Variants in BCAR3 observed in about 807,000 individuals in gnomAD.
The protein encoded by BCAR3 is BCAR3 adaptor protein, NSP family member.
In BCAR3, 37 loss-of-function variants were observed where a neutral mutation model predicts 80.1. That is an observed-to-expected ratio of 0.46 (90% CI 0.36 to 0.61). The LOEUF (loss-of-function observed/expected upper bound fraction) is 0.61, where lower values mean the gene tolerates loss of function less well. Among genes scored for constraint, BCAR3 ranks in the 20% least tolerant of loss-of-function variants. The probability of loss-of-function intolerance (pLI) is 0.00; values close to 1 mark genes in which losing one functional copy is unlikely to be tolerated. For synonymous variants in BCAR3, 389 were observed against 418.9 expected, an observed-to-expected ratio of 0.93 and a Z score of 0.87; for missense variants, 978 against 1,068.2, an observed-to-expected ratio of 0.92 and a Z score of 1.18.
chr1:93,614,539 A>G (rs1675048491), intron 3 of BCAR3, among the ~76,000 whole-genome samples: 2 of 151,704 alleles, frequency 1.3e-5, no homozygotes, highest in Non-Finnish European at 2.9e-5. Flanking sequence ...CCCTGTCCTC[A>G]CTCTCCCAAG....
chr1:93,590,883 T>C (rs1674145488), intron 4 of BCAR3, among the ~76,000 whole-genome samples: 1 of 152,086 alleles, frequency 6.6e-6, no homozygotes, highest in African/African-American at 2.4e-5. Flanking sequence ...AGAAGAATAT[T>C]CTACAGTGGG....
In BCAR3 at chr1:93,710,150, G is replaced by T. The variant is rs1252539999; in HGVS notation, c.-62-4008C>A. ...TAAACTCACTCCCGGTGGATAGGGGGTGGGAAGCTGGGAAGCTGGGAACCA... is the reference window on the plus strand; with the variant it reads ...TAAACTCACTCCCGGTGGATAGGGGTTGGGAAGCTGGGAAGCTGGGAACCA... On this transcript the variant is annotated intron_variant, in intron 2 of 13. Transcript: ENST00000370244. Among the ~76,000 whole-genome samples, 4 of 152,184 alleles carry T rather than the reference G, an allele frequency of 2.6e-5. No homozygotes were observed. In the East Asian group the frequency reaches 7.7e-4, roughly 29 times the overall value.
chr1:93,768,271 G>T (rs1382851109), intron 2 of BCAR3, among the ~76,000 whole-genome samples: 1 of 149,088 alleles, frequency 6.7e-6, no homozygotes, highest in East Asian at 1.9e-4. Context: ...GTGTGTGTTT[G>T]TGTGTGTGTG....
At chr1:93,733,347 C>A (rs1484102647) in intron 2 of BCAR3, among the ~76,000 whole-genome samples, 1 of 152,150 alleles carries the variant, frequency 6.6e-6, no homozygotes, top group Non-Finnish European at 1.5e-5. Context: ...CCCCCCACCC[C>A]CCGACCCACC....
At chr1:93,605,915 G>C (rs546916017) in intron 3 of BCAR3, among the ~76,000 whole-genome samples, 1 of 152,340 alleles carries the variant, frequency 6.6e-6, no homozygotes, top group African/African-American at 2.4e-5. Context: ...CAAAGATTCA[G>C]ACAGCCTTCC....
intron 3 of BCAR3, chr1:93,614,068 G>C: frequency 1.4e-6 from 2 of 1,438,954 alleles, no homozygotes; most frequent in Non-Finnish European, 1.8e-6. Context: ...AGCCGGGGGA[G>C]TGAGTCGGCT....
At chr1:93,652,116 T>C (rs541930060) in intron 2 of BCAR3, among the ~76,000 whole-genome samples, 2 of 152,308 alleles carry the variant, frequency 1.3e-5, no homozygotes, top group African/African-American at 2.4e-5. Flanking sequence ...AGTTCCCTCT[T>C]AGTGCTGCTC....
chr1:93,618,831 T>C (rs949881561), intron 3 of BCAR3, among the ~76,000 whole-genome samples: 1 of 152,202 alleles, frequency 6.6e-6, no homozygotes, highest in Non-Finnish European at 1.5e-5. Flanking sequence ...AGACACATAC[T>C]TGCAATGCTT....
At chr1:93,784,805 A>T (rs1416764502) in intron 2 of BCAR3, among the ~76,000 whole-genome samples, 1 of 152,352 alleles carries the variant, frequency 6.6e-6, no homozygotes, top group East Asian at 1.9e-4. Flanking sequence ...AACACTGGGC[A>T]CTTATCTTCC....
At chr1:93,641,859 C>T (rs761783761) in intron 3 of BCAR3, among the ~76,000 whole-genome samples, 2 of 152,154 alleles carry the variant, frequency 1.3e-5, no homozygotes, top group Non-Finnish European at 2.9e-5. Flanking sequence ...TTAAAAAAAC[C>T]TTACTTGGCA....
intron 2 of BCAR3, among the ~76,000 whole-genome samples, chr1:93,745,351 G>A (rs1041320022): frequency 2.0e-5 from 3 of 152,242 alleles, no homozygotes; most frequent in Non-Finnish European, 2.9e-5. Flanking sequence ...GAACAACAGC[G>A]TTTGTGAGAA....
intron 7 of BCAR3, among the ~76,000 whole-genome samples, chr1:93,581,955 G>A (rs1374803438): frequency 1.3e-5 from 2 of 152,218 alleles, no homozygotes; most frequent in African/African-American, 4.8e-5. Flanking sequence ...AGCACCAGGT[G>A]TGAGGAGGAT....
intron 2 of BCAR3, among the ~76,000 whole-genome samples, chr1:93,744,025 C>A (rs777215566): frequency 2.0e-5 from 3 of 152,168 alleles, no homozygotes; most frequent in Non-Finnish European, 4.4e-5. Context: ...TAGCCTGAGG[C>A]CTGGGAGGCA....
At chr1:93,690,485 A>T (rs969445783) in intron 3 of BCAR3, among the ~76,000 whole-genome samples, 2 of 152,216 alleles carry the variant, frequency 1.3e-5, no homozygotes, top group African/African-American at 4.8e-5. Flanking sequence ...CCCAGGTCAT[A>T]TAGCAATATG....
At chr1:93,604,294 G>A (rs1404885570) in intron 3 of BCAR3, among the ~76,000 whole-genome samples, 1 of 152,178 alleles carries the variant, frequency 6.6e-6, no homozygotes, top group Non-Finnish European at 1.5e-5. Context: ...AACCCCTAGA[G>A]ATCCCAAATC....
chr1:93,709,908 T>G (rs1649961871), intron 2 of BCAR3, among the ~76,000 whole-genome samples: 1 of 152,186 alleles, frequency 6.6e-6, no homozygotes, highest in Non-Finnish European at 1.5e-5. Context: ...TATATATTTT[T>G]AAAAGAAAAA....
rs1188800105 is a variant in BCAR3 at position 93,800,736 on chromosome 1, CTTCT to C, written c.-63+44827_-63+44830del. On this transcript the variant is annotated intron_variant, in intron 2 of 13. Transcript: ENST00000370244. ...TCAGTTATTTTTTTAAAATATTTTTCTTCTTTCTGAAAAAGAAGTATGAGCACTA... is the reference window on the plus strand; with the variant it reads ...TCAGTTATTTTTTTAAAATATTTTTCTTCTGAAAAAGAAGTATGAGCACTA... Among the ~76,000 whole-genome samples the C allele has an allele frequency of 5.9e-5, 9 of 152,070 alleles. 1 individual carries two copies. The highest frequency in any genetic ancestry group is 3.4e-3 in the Middle Eastern group (1 of 294).
intron 3 of BCAR3, among the ~76,000 whole-genome samples, chr1:93,694,048 G>T (rs1414752858): frequency 6.6e-6 from 1 of 152,204 alleles, no homozygotes; most frequent in Non-Finnish European, 1.5e-5. Flanking sequence ...AGGCTAAGTT[G>T]CCCAAGGTTG....
At chr1:93,737,045 C>A (rs145015720) in intron 2 of BCAR3, among the ~76,000 whole-genome samples, 15 of 152,310 alleles carry the variant, frequency 9.8e-5, no homozygotes, top group Admixed American at 2.0e-4. Flanking sequence ...TCCTTTTGCA[C>A]ACTCAAGTTT....
Sources: gnomAD v4.1 joint callset for allele counts (sites outside exome capture counted in the v4.1 genomes callset) on GRCh38, gnomAD v4.1.1 for gene constraint, MANE v1.5 for transcripts, NCBI Gene and HGNC (gene_info 2026-07-23, HGNC 2026-07-21) for gene names.